ZNF536: variants seen among roughly 807,000 people sequenced by gnomAD.
ZNF536 encodes the protein zinc finger protein 536.
In ZNF536, 13 loss-of-function variants were observed where a neutral mutation model predicts 84.5. The ratio of observed to expected loss-of-function variants is 0.15; its 90% CI spans 0.10 to 0.24. The LOEUF (loss-of-function observed/expected upper bound fraction) is 0.24. Among genes scored for constraint, ZNF536 ranks in the 10% least tolerant of loss-of-function variants. The pLI, the probability that ZNF536 is intolerant of heterozygous loss-of-function variation, is 1.00. For missense variants in ZNF536, 1,536 were observed against 1,747.5 expected (o/e 0.88, Z 2.16); for synonymous variants, 811 against 742.5 (o/e 1.09, Z -1.50).
chr19:30,292,970 A>C (rs1400446821), intron 2 of ZNF536, among the ~76,000 whole-genome samples: 1 of 152,236 alleles, frequency 6.6e-6, no homozygotes, highest in Admixed American at 6.5e-5. Context: ...TTATTTCCAT[A>C]ACCGAGAGGA....
chr19:30,422,511 A>G (rs904610208), intron 1 of ZNF536, among the ~76,000 whole-genome samples: 1 of 152,144 alleles, frequency 6.6e-6, no homozygotes, highest in East Asian at 1.9e-4. Context: ...CTGCAAGAGT[A>G]TAGCCCATGG....
intron 2 of ZNF536, among the ~76,000 whole-genome samples, chr19:30,508,540 T>C (rs1406388337): frequency 1.3e-5 from 2 of 152,040 alleles, no homozygotes; most frequent in African/African-American, 4.8e-5. Flanking sequence ...GCCATGAGAC[T>C]GTGAGTCTTT....
At position 30,548,040 on chromosome 19, in the gene ZNF536, C is replaced by T. The variant is rs142398595; in HGVS notation, c.2421C>T (p.Asn807=). ...HLERHHRERQ[N]GAGPLSGQPP... ...AGCGACACCATCGGGAGCGGCAGAACGGGGCTGGGCCGCTGTCTGGGCAAC... is the reference window on the plus strand; with the variant it reads ...AGCGACACCATCGGGAGCGGCAGAATGGGGCTGGGCCGCTGTCTGGGCAAC... The change falls in exon 4 of 5, where the codon AAC becomes AAT. Residue 807 remains asparagine (N), a synonymous_variant. Transcript: ENST00000355537. 1,914 of 1,613,976 alleles carry T rather than the reference C, an allele frequency of 1.2e-3. 21 individuals carry two copies. Among genetic ancestry groups the T allele is most frequent in the South Asian group, 1.7e-3 (155 of 91,030 alleles).
chr19:30,276,309 A>G (rs1158931561), intron 1 of ZNF536, among the ~76,000 whole-genome samples: 1 of 152,178 alleles, frequency 6.6e-6, no homozygotes, highest in African/African-American at 2.4e-5. Flanking sequence ...TGGAACGGAG[A>G]GTTAAACTTG....
intron 1 of ZNF536, among the ~76,000 whole-genome samples, chr19:30,378,895 T>C (rs560097151): frequency 6.6e-6 from 1 of 152,286 alleles, no homozygotes; most frequent in African/African-American, 2.4e-5. Flanking sequence ...GCTGTGCCAG[T>C]GCTGGAGGGA....
At chr19:30,284,913 C>T (rs1223681321) in intron 2 of ZNF536, among the ~76,000 whole-genome samples, 6 of 152,118 alleles carry the variant, frequency 3.9e-5, no homozygotes, top group Non-Finnish European at 7.4e-5. Context: ...AAAGTGCTTA[C>T]TTCTGATTTT....
rs113599367 is a variant in ZNF536, at chr19:30,529,110, C to T, written c.2171-5737C>T. 5.8e-3 allele frequency among the ~76,000 whole-genome samples: 884 copies of T among 152,174 alleles called. 9 individuals carry two copies. The highest frequency in any genetic ancestry group is 0.02 in the African/African-American group (825 of 41,516). ...GGGAGGAAAAGATTCTGCCTCCTAA[C>T]GCCTGAGTCAGCATTTTTGGAAAAC... On this transcript the variant is annotated intron_variant, in intron 2 of 4. Coordinates refer to ENST00000355537, the MANE Select transcript of ZNF536 (RefSeq NM_014717.3).
intron 2 of ZNF536, among the ~76,000 whole-genome samples, chr19:30,324,723 G>A (rs1435898498): frequency 6.6e-6 from 1 of 152,182 alleles, no homozygotes; most frequent in Non-Finnish European, 1.5e-5. Flanking sequence ...ATTCAGACAA[G>A]GAGATCACCA....
At chr19:30,308,637 G>A (rs12151367) in intron 2 of ZNF536, among the ~76,000 whole-genome samples, 17,911 of 152,110 alleles carry the variant, frequency 0.12, 1,464 homozygotes, top group Non-Finnish European at 0.19. Flanking sequence ...AGCTACTAGA[G>A]GGAGTTAAGG....
At chr19:30,268,490 C>T (rs896786214) in intron 1 of ZNF536, among the ~76,000 whole-genome samples, 3 of 152,282 alleles carry the variant, frequency 2.0e-5, no homozygotes, top group Non-Finnish European at 4.4e-5. Context: ...GGGTGCTTCT[C>T]GACCCTCCCA....
At chr19:30,374,992 C>G (rs1451414658) in intron 1 of ZNF536, among the ~76,000 whole-genome samples, 2 of 151,858 alleles carry the variant, frequency 1.3e-5, no homozygotes, top group Non-Finnish European at 2.9e-5. Flanking sequence ...GCCTGGAGAT[C>G]GGGCGCGCGG....
rs1209415358 is a variant in ZNF536 at position 30,234,174 on chromosome 19, C to T, written c.-190+5501C>T. Reference sequence around the variant, plus strand: ...GTTATGACACAGGAGAAATGATCACCGTAGGCTTGAGCTGACATTAACCTG... The same window carrying T: ...GTTATGACACAGGAGAAATGATCACTGTAGGCTTGAGCTGACATTAACCTG... On this transcript the variant is annotated intron_variant, in intron 1 of 5. Coordinates refer to the ZNF536 transcript ENST00000585628. 5.3e-5 allele frequency among the ~76,000 whole-genome samples: 8 copies of T among 152,274 alleles called. No individual in the cohort carries two copies. The South Asian group carries it at 6.2e-4, about 12-fold the overall frequency.
intron 1 of ZNF536, among the ~76,000 whole-genome samples, chr19:30,568,770 C>A (rs1200323606): frequency 1.3e-5 from 2 of 152,160 alleles, no homozygotes; most frequent in African/African-American, 4.8e-5. Context: ...AGTGGGACCC[C>A]GGTGATGGGG....
At chr19:30,691,793 G>A (rs903704248) in intron 1 of ZNF536, among the ~76,000 whole-genome samples, 2 of 152,202 alleles carry the variant, frequency 1.3e-5, no homozygotes, top group African/African-American at 4.8e-5. Flanking sequence ...CTGCAGTTAC[G>A]AGGCAGATGT....
At chr19:30,449,620 A>G (rs188909086) in intron 2 of ZNF536, among the ~76,000 whole-genome samples, 2 of 152,314 alleles carry the variant, frequency 1.3e-5, no homozygotes, top group Admixed American at 6.5e-5. Context: ...GAAGGGGGTA[A>G]TTGAATGCAT....
intron 1 of ZNF536, among the ~76,000 whole-genome samples, chr19:30,584,113 G>A (rs1463583068): frequency 3.9e-5 from 6 of 152,094 alleles, no homozygotes; most frequent in South Asian, 2.1e-4. Context: ...CATCTCCAAC[G>A]CTGCATCTTC....
intron 1 of ZNF536, among the ~76,000 whole-genome samples, chr19:30,606,291 TAAATA>T (rs1568597251): frequency 2.7e-4 from 15 of 55,748 alleles, no homozygotes; most frequent in African/African-American, 1.3e-3. Flanking sequence ...TAAAATAAAA[TAAATA>T]AAATAAAATA....
intron 1 of ZNF536, among the ~76,000 whole-genome samples, chr19:30,423,715 A>C (rs1187259081): frequency 1.3e-5 from 2 of 152,222 alleles, no homozygotes; most frequent in South Asian, 4.1e-4. Context: ...GCCTGCCCAG[A>C]CTGTGCGAAG....
At chr19:30,488,905 G>A (rs2054398530) in intron 2 of ZNF536, among the ~76,000 whole-genome samples, 1 of 152,134 alleles carries the variant, frequency 6.6e-6, no homozygotes, top group South Asian at 2.1e-4. Flanking sequence ...AATTATTATT[G>A]TTCCTCATTT....
Sources: gnomAD v4.1 joint callset for allele counts (sites outside exome capture counted in the v4.1 genomes callset) on GRCh38, gnomAD v4.1.1 for gene constraint, MANE v1.5 for transcripts, NCBI Gene and HGNC (gene_info 2026-07-23, HGNC 2026-07-21) for gene names.